TMEM132B: variants seen among roughly 807,000 people sequenced by gnomAD.
TMEM132B encodes transmembrane protein 132B.
A neutral mutation model predicts 90.8 loss-of-function variants in TMEM132B; 18 were observed. The observed-to-expected ratio is 0.20, with a 90% CI of 0.14 to 0.29. TMEM132B has a LOEUF of 0.29. TMEM132B is among the 10% of genes least tolerant of loss of function. The probability of loss-of-function intolerance (pLI) is 1.00; values close to 1 mark genes in which losing one functional copy is unlikely to be tolerated. For synonymous variants in TMEM132B, 504 were observed against 523.3 expected, an observed-to-expected ratio of 0.96 and a Z score of 0.50; for missense variants, 1,096 against 1,326.8, an observed-to-expected ratio of 0.83 and a Z score of 2.70.
intron 1 of TMEM132B, among the ~76,000 whole-genome samples, chr12:125,289,787 G>T (rs899482190): frequency 7.2e-5 from 11 of 152,208 alleles, no homozygotes; most frequent in Non-Finnish European, 1.3e-4. Flanking sequence ...ATGGATCTGA[G>T]CCCAAGTGGC....
intron 7 of TMEM132B, among the ~76,000 whole-genome samples, chr12:125,652,214 T>A (rs1886939848): frequency 6.6e-6 from 1 of 152,250 alleles, no homozygotes; most frequent in Non-Finnish European, 1.5e-5. Flanking sequence ...ATACTGCTGT[T>A]ATCATGACAT....
rs192516475 is a variant in TMEM132B at position 125,352,200 on chromosome 12, C to T, written c.959+1857C>T. Among the ~76,000 whole-genome samples the T allele has an allele frequency of 2.6e-4, 39 of 152,348 alleles. 2 individuals carry two copies. In the East Asian group the frequency reaches 7.5e-3, roughly 29 times the overall value. On this transcript the variant is annotated intron_variant, in intron 2 of 8. Coordinates refer to ENST00000682704, the MANE Select transcript of TMEM132B (RefSeq NM_001366854.1). ...TCCCTGCCCTGTTTGATGTGTCAGG[C>T]AGAATCCTACAATGCTGCATATCAG... is the stretch of plus-strand genomic sequence containing the variant.
intron 6 of TMEM132B, among the ~76,000 whole-genome samples, chr12:125,644,777 C>A (rs529728221): frequency 2.1e-4 from 32 of 152,112 alleles, no homozygotes; most frequent in African/African-American, 7.5e-4. Flanking sequence ...CCTTTTTTTG[C>A]CTGAATTTTA....
At chr12:125,472,568 A>G (rs1881751751) in intron 3 of TMEM132B, among the ~76,000 whole-genome samples, 1 of 152,168 alleles carries the variant, frequency 6.6e-6, no homozygotes, top group Admixed American at 6.5e-5. Context: ...CTGTGGTCTG[A>G]ATATCTGTGT....
intron 1 of TMEM132B, among the ~76,000 whole-genome samples, chr12:125,343,721 G>T (rs1187118828): frequency 6.6e-6 from 1 of 152,208 alleles, no homozygotes; most frequent in African/African-American, 2.4e-5. Flanking sequence ...ATGCCTAGGT[G>T]TGTTGGCCTG....
intron 5 of TMEM132B, among the ~76,000 whole-genome samples, chr12:125,634,839 TGGAGGGAA>T (rs1478787331): frequency 6.6e-6 from 1 of 152,070 alleles, no homozygotes. Flanking sequence ...TCTCCTCAAG[TGGAGGGAA>T]GGGGTCTTTT....
chr12:125,259,722 G>C (rs2136109045), intron 1 of TMEM132B, among the ~76,000 whole-genome samples: 1 of 152,306 alleles, frequency 6.6e-6, no homozygotes, highest in East Asian at 1.9e-4. Flanking sequence ...GCCCTGGGAA[G>C]GTATAAATCT....
At chr12:125,521,295 C>T (rs145992517) in intron 4 of TMEM132B, among the ~76,000 whole-genome samples, 1 of 152,234 alleles carries the variant, frequency 6.6e-6, no homozygotes, top group African/African-American at 2.4e-5. Flanking sequence ...CCTTCTCCTT[C>T]TTCTCCTCCT....
chr12:125,256,328 C>T lies in TMEM132B; in HGVS notation c.67+69462C>T, dbSNP rs534016752. On this transcript the variant is annotated intron_variant, in intron 1 of 8. Coordinates refer to ENST00000682704, the MANE Select transcript of TMEM132B (RefSeq NM_001366854.1). ...GGGCAACTTAAGAACATCAGCTGTG[C>T]TGCGAGGAAGGTCAGTCATGGAGGG... Among the ~76,000 whole-genome samples the T allele has an allele frequency of 1.4e-4, 21 of 152,332 alleles. No individual in the cohort carries two copies. The South Asian group carries it at 4.4e-3, about 32-fold the overall frequency.
intron 3 of TMEM132B, among the ~76,000 whole-genome samples, chr12:125,423,585 T>G (rs1431201250): frequency 6.6e-6 from 1 of 152,192 alleles, no homozygotes; most frequent in Non-Finnish European, 1.5e-5. Context: ...TGCTTTGAAT[T>G]TATGCTGCTG....
chr12:125,654,581 CG>C lies in TMEM132B; in HGVS notation c.3125del (p.Gly1042AlafsTer71). The C allele has an allele frequency of 6.2e-7, 1 of 1,614,196 alleles. No homozygotes were observed. On this transcript the variant is annotated frameshift_variant, in exon 9 of 9. Coordinates refer to ENST00000682704, the MANE Select transcript of TMEM132B (RefSeq NM_001366854.1). LOFTEE classifies it high-confidence loss of function. This position sits in a 1 kb window ranked among gnomAD's most constrained non-coding sequence, Gnocchi z 5.8. The stretch of plus-strand genomic sequence containing the variant: ...CCTACACCACCATCCTCCCAGAGGA[CG>C]GCGGCCCATACACCAACTCCATCCT... ...TSYTTILPEDGGPYTNSILFD... is the reference protein window; with the variant it reads ...TSYTTILPEDXGPYTNSILFD...
chr12:125,392,884 C>A (rs1175499548), intron 2 of TMEM132B, among the ~76,000 whole-genome samples: 1 of 152,184 alleles, frequency 6.6e-6, no homozygotes. Context: ...ATGTGAGGTG[C>A]TGTTAGTGCT....
chr12:125,491,480 C>T (rs1022173075), intron 3 of TMEM132B, among the ~76,000 whole-genome samples: 2 of 152,126 alleles, frequency 1.3e-5, no homozygotes, highest in Non-Finnish European at 2.9e-5. Flanking sequence ...CCTTCAAAGC[C>T]GCAGCTCACC....
chr12:125,264,624 G>C (rs1254304134), intron 1 of TMEM132B, among the ~76,000 whole-genome samples: 2 of 152,190 alleles, frequency 1.3e-5, no homozygotes, highest in Non-Finnish European at 2.9e-5. Context: ...GAAGCAGTTG[G>C]GTCTGGGAGA....
chr12:125,427,962 A>C (rs540478952), intron 3 of TMEM132B, among the ~76,000 whole-genome samples: 39 of 151,660 alleles, frequency 2.6e-4, no homozygotes, highest in African/African-American at 8.7e-4. Flanking sequence ...AAACAAACGA[A>C]GGGTAACTTG....
At chr12:125,215,919 G>A (rs1371506421) in intron 1 of TMEM132B, among the ~76,000 whole-genome samples, 2 of 152,214 alleles carry the variant, frequency 1.3e-5, no homozygotes, top group African/African-American at 4.8e-5. Flanking sequence ...GCCTTAACTT[G>A]ATCACAGTCT....
At chr12:125,627,114 T>C (rs1204175107) in intron 5 of TMEM132B, among the ~76,000 whole-genome samples, 2 of 152,178 alleles carry the variant, frequency 1.3e-5, no homozygotes, top group African/African-American at 4.8e-5. Context: ...TTTGCTACTA[T>C]GCATTTTTAT....
chr12:125,429,638 T>A (rs946071080), intron 3 of TMEM132B, among the ~76,000 whole-genome samples: 1 of 152,202 alleles, frequency 6.6e-6, no homozygotes, highest in Admixed American at 6.5e-5. Context: ...TGAGGAACAC[T>A]GGTCAGGGGT....
At chr12:125,399,757 G>C (rs995269839) in intron 2 of TMEM132B, among the ~76,000 whole-genome samples, 17 of 152,158 alleles carry the variant, frequency 1.1e-4, no homozygotes, top group African/African-American at 4.1e-4. Flanking sequence ...AACTTACTCT[G>C]TTATATTGGC....
Sources: gnomAD v4.1 joint callset for allele counts (sites outside exome capture counted in the v4.1 genomes callset) on GRCh38, gnomAD v4.1.1 for gene constraint, Gnocchi (gnomAD v3.1) non-coding constraint, MANE v1.5 for transcripts, NCBI Gene and HGNC (gene_info 2026-07-23, HGNC 2026-07-21) for gene names.